Variants in SPACA6 observed in about 807,000 individuals in gnomAD.
SPACA6 encodes sperm acrosome associated 6.
For synonymous variants in SPACA6, 6 were observed against 1.5 expected (o/e 4.05, Z -2.21); for missense variants, 8 against 2.8 (o/e 2.88, Z -1.34).
upstream of SPACA6, chr19:51,693,064 G>T: frequency 2.8e-6 from 1 of 360,712 alleles, no homozygotes; most frequent in Non-Finnish European, 5.6e-6. Context: ...TGGCTTCTGT[G>T]TCTCTTTCAC....
rs1300721961 is a variant in SPACA6, at chr19:51,703,374, G to A, written c.573+37G>A. On this transcript the variant is annotated intron_variant, in intron 6 of 8. Coordinates refer to ENST00000637797, the MANE Select transcript of SPACA6 (RefSeq NM_001316972.2). This position sits in a 1 kb window ranked among gnomAD's most constrained non-coding sequence, Gnocchi z 4.2. The stretch of plus-strand genomic sequence containing the variant: ...CGGGGCCGGCGCGAAGAGTTTAGAC[G>A]GGCGAGTTAGCCTTCACTAGAGGTT... 1 of 398,984 alleles carries A rather than the reference G, an allele frequency of 2.5e-6. No homozygotes were observed. Among genetic ancestry groups the A allele is most frequent in the Non-Finnish European group, 4.4e-6 (1 of 226,002 alleles). The allele number at this position is 398,984 out of a possible 1,614,324, so 24.7% of individuals were successfully genotyped here.
At chr19:51,684,708 C>T (rs1375172434), upstream of SPACA6, among the ~76,000 whole-genome samples, 4 of 152,074 alleles carry the variant, frequency 2.6e-5, no homozygotes, top group African/African-American at 9.7e-5. Flanking sequence ...AGCTGATGAG[C>T]TTAAAAAAAT....
chr19:51,690,201 T>A (rs59801018), upstream of SPACA6, among the ~76,000 whole-genome samples: 83,755 of 149,882 alleles, frequency 0.56, 23,565 homozygotes, highest in East Asian at 0.73. Flanking sequence ...CCCCCACCCA[T>A]TCCAGAATCC....
At chr19:51,684,528 T>G (rs1345988284), upstream of SPACA6, among the ~76,000 whole-genome samples, 2 of 152,300 alleles carry the variant, frequency 1.3e-5, 1 homozygote, top group Middle Eastern at 6.8e-3. Context: ...GGGGACCCTG[T>G]CTCTACTTCC....
At chr19:51,694,035 A>C in intron 1 of SPACA6, 2 of 280,180 alleles carry the variant, frequency 7.1e-6, no homozygotes, top group Non-Finnish European at 6.5e-6. Flanking sequence ...AAAGATGGAG[A>C]CTCAGGAGTA....
intron 2 of SPACA6, among the ~76,000 whole-genome samples, chr19:51,696,880 A>G (rs2083434533): frequency 6.6e-6 from 1 of 152,196 alleles, no homozygotes; most frequent in Admixed American, 6.5e-5. Flanking sequence ...TTCAGGCCAC[A>G]GGGAATAGCC....
At chr19:51,684,249 G>A (rs759328031), upstream of SPACA6, among the ~76,000 whole-genome samples, 11 of 152,076 alleles carry the variant, frequency 7.2e-5, no homozygotes, top group Non-Finnish European at 1.0e-4. Context: ...GGCAGCTGAC[G>A]GACTTGCAAA....
At chr19:51,683,621 G>A in the SPACA6 span, among the ~76,000 whole-genome samples, 7 of 152,332 alleles carry the variant, frequency 4.6e-5, no homozygotes, top group South Asian at 2.1e-4. Context: ...TTCTGTGCAT[G>A]TGTATGAATA....
chr19:51,688,895 G>C (rs1452135596), upstream of SPACA6, among the ~76,000 whole-genome samples: 1 of 119,132 alleles, frequency 8.4e-6, no homozygotes, highest in African/African-American at 3.1e-5. Context: ...GAGGAGGAGG[G>C]AAAGAGGGAG....
At chr19:51,696,008 G>A (rs996423604) in intron 2 of SPACA6, among the ~76,000 whole-genome samples, 12 of 152,314 alleles carry the variant, frequency 7.9e-5, no homozygotes, top group African/African-American at 2.2e-4. Context: ...TGGGTTAGAA[G>A]GCAGTGACTT....
chr19:51,688,219 G>A (rs1261259372), upstream of SPACA6: 1 of 152,524 alleles, frequency 6.6e-6, no homozygotes, highest in Non-Finnish European at 1.5e-5. Flanking sequence ...TGGCTTCGGA[G>A]GCTCTAGTCA....
intron 2 of SPACA6, among the ~76,000 whole-genome samples, chr19:51,710,509 G>A (rs940601871): frequency 6.6e-6 from 1 of 152,194 alleles, no homozygotes; most frequent in African/African-American, 2.4e-5. Context: ...CAGGGAGGAA[G>A]GCGAGAAGAT....
upstream of SPACA6, among the ~76,000 whole-genome samples, chr19:51,691,695 C>T (rs1014847581): frequency 6.6e-6 from 1 of 151,870 alleles, no homozygotes; most frequent in African/African-American, 2.4e-5. Flanking sequence ...ACCTGGACTG[C>T]GAGAAAGGAA....
At chr19:51,712,372 A>C (rs866775999) in exon 3 of SPACA6, 1 of 152,222 alleles carries the variant, frequency 6.6e-6, no homozygotes, top group Non-Finnish European at 1.5e-5. Context: ...ACAAATATGG[A>C]CAACTCTCCC....
rs1480707183 is a variant in SPACA6, at chr19:51,703,213, C to T, written c.464-15C>T. On this transcript the variant is annotated splice_polypyrimidine_tract_variant and intron_variant, in intron 5 of 8. Coordinates refer to ENST00000637797, the MANE Select transcript of SPACA6 (RefSeq NM_001316972.2). This position sits in a 1 kb window ranked among gnomAD's most constrained non-coding sequence, Gnocchi z 4.2. Reference sequence around the variant, plus strand: ...GTGGTCGGGGCCCAGCGAGTGAACCCTGCTCCGTCTTCAGTTCAGGATGTG... The same window carrying T: ...GTGGTCGGGGCCCAGCGAGTGAACCTTGCTCCGTCTTCAGTTCAGGATGTG... The T allele has an allele frequency of 9.8e-5, 39 of 399,300 alleles. No homozygotes were observed. The East Asian group carries it at 1.4e-3, about 14-fold the overall frequency. 24.7% of individuals were successfully genotyped at this position (399,300 alleles called of 1,614,324 possible). A position where few individuals can be genotyped will look rare whatever the true frequency, so the allele number is the denominator to read the frequency against.
In SPACA6 at chr19:51,699,962, C is replaced by T. The variant is rs528143089; in HGVS notation, c.293-1696C>T. 4.6e-5 allele frequency among the ~76,000 whole-genome samples: 7 copies of T among 152,228 alleles called. No individual in the cohort carries two copies. In the South Asian group the frequency reaches 1.2e-3, roughly 27 times the overall value. ...ACAATTTGGAGGCCATTGCAGTGGTCAAAACACAAGGCCAGGCATGGTGGC... is the reference window on the plus strand; with the variant it reads ...ACAATTTGGAGGCCATTGCAGTGGTTAAAACACAAGGCCAGGCATGGTGGC... On this transcript the variant is annotated intron_variant, in intron 2 of 8. Transcript: ENST00000637797.
chr19:51,692,987 T>C (rs923906023), upstream of SPACA6: 1 of 405,480 alleles, frequency 2.5e-6, no homozygotes, highest in African/African-American at 2.1e-5. The surrounding 1 kb of genome is among the most constrained non-coding windows in gnomAD (Gnocchi z 5.6). Flanking sequence ...TCCTTGTCCC[T>C]GCATCCCCTC....
Position 51,703,425 on chromosome 19 carries a change from C to T in SPACA6, c.573+88C>T, listed in dbSNP as rs1265979007. 5.0e-6 allele frequency: 2 copies of T among 398,104 alleles called. No homozygotes were observed. Among genetic ancestry groups the T allele is most frequent in the Non-Finnish European group, 8.9e-6 (2 of 225,666 alleles). 24.7% of individuals were successfully genotyped at this position (398,104 alleles called of 1,614,324 possible). ...GGGGAGTCAGCTTGCGGGGACGGGA[C>T]TCCGGGAATCTCCGTCTAGACACAA... On this transcript the variant is annotated intron_variant, in intron 6 of 8. Coordinates refer to ENST00000637797, the MANE Select transcript of SPACA6 (RefSeq NM_001316972.2). The surrounding 1 kb of genome is among the most constrained non-coding windows in gnomAD (Gnocchi z 4.2).
chr19:51,697,577 A>G (rs2122208132), intron 2 of SPACA6, among the ~76,000 whole-genome samples: 1 of 152,202 alleles, frequency 6.6e-6, no homozygotes, highest in South Asian at 2.1e-4. Context: ...TAGGCCCAGG[A>G]TATATTTGGA....
Sources: allele counts gnomAD v4.1 joint callset (sites outside exome capture counted in the v4.1 genomes callset), GRCh38; gene constraint gnomAD v4.1.1; non-coding constraint Gnocchi (gnomAD v3.1); transcripts MANE v1.5; gene names NCBI Gene and HGNC (gene_info 2026-07-23, HGNC 2026-07-21).